TAF2: variants seen among roughly 807,000 people sequenced by gnomAD.
TAF2 encodes the protein transcription initiation factor TFIID subunit 2.
A neutral mutation model predicts 138.5 loss-of-function variants in TAF2; 61 were observed. The ratio of observed to expected loss-of-function variants is 0.44; its 90% confidence interval spans 0.36 to 0.54. The LOEUF (loss-of-function observed/expected upper bound fraction) is 0.54. Ranked by LOEUF, TAF2 falls within the 20% of genes least tolerant of loss-of-function variation. The pLI is 0.00. For synonymous variants in TAF2, 475 were observed against 469.9 expected (o/e 1.01, Z -0.14); for missense variants, 1,090 against 1,427.9 (o/e 0.76, Z 3.81).
intron 6 of TAF2, among the ~76,000 whole-genome samples, chr8:119,800,619 C>T (rs1205635414): frequency 3.9e-5 from 6 of 152,182 alleles, no homozygotes; most frequent in African/African-American, 1.2e-4. Flanking sequence ...AAGTTCACTG[C>T]TAATCTTATC....
intron 3 of TAF2, among the ~76,000 whole-genome samples, chr8:119,817,060 G>A (rs1825524166): frequency 6.6e-5 from 10 of 152,096 alleles, no homozygotes; most frequent in Admixed American, 5.9e-4. Flanking sequence ...GTCAAGCATA[G>A]TAGACAATTA....
chr8:119,735,002 A>ATGTT (rs1288179498), intron 25 of TAF2, among the ~76,000 whole-genome samples: 1 of 152,188 alleles, frequency 6.6e-6, no homozygotes, highest in Non-Finnish European at 1.5e-5. Flanking sequence ...TGGTTCGTTC[A>ATGTT]TGTTTCCACA....
At chr8:119,774,876 T>C (rs908907246) in intron 18 of TAF2, among the ~76,000 whole-genome samples, 1 of 151,968 alleles carries the variant, frequency 6.6e-6, no homozygotes, top group South Asian at 2.1e-4. Flanking sequence ...ATTTCAATTT[T>C]AGTAGGATCC....
At chr8:119,821,111 G>A (rs1019329792) in intron 2 of TAF2, among the ~76,000 whole-genome samples, 8 of 152,180 alleles carry the variant, frequency 5.3e-5, no homozygotes, top group Admixed American at 3.9e-4. Context: ...ATAGAATGAT[G>A]AAATGTATTT....
At chr8:119,754,812 A>G (rs1820589000) in intron 22 of TAF2, among the ~76,000 whole-genome samples, 1 of 152,198 alleles carries the variant, frequency 6.6e-6, no homozygotes, top group African/African-American at 2.4e-5. Flanking sequence ...TACAATTTCA[A>G]CCTATCACAG....
chr8:119,787,323 T>G (rs1224091871), intron 14 of TAF2, among the ~76,000 whole-genome samples: 1 of 151,890 alleles, frequency 6.6e-6, no homozygotes, highest in Non-Finnish European at 1.5e-5. Context: ...ACCCGCACAT[T>G]GTGCACATGT....
chr8:119,747,886 G>C (rs1820088977), intron 22 of TAF2, among the ~76,000 whole-genome samples: 2 of 152,328 alleles, frequency 1.3e-5, no homozygotes, highest in South Asian at 4.1e-4. Flanking sequence ...CACTCTGGGA[G>C]GCCGGGGTGG....
At chr8:119,818,714 A>G (rs988912975) in intron 3 of TAF2, among the ~76,000 whole-genome samples, 1 of 149,536 alleles carries the variant, frequency 6.7e-6, no homozygotes, top group Admixed American at 6.9e-5. Context: ...AACCACAAAG[A>G]TGACAAAAAA....
At chr8:119,801,435 CTT>C (rs112527778) in intron 6 of TAF2, among the ~76,000 whole-genome samples, 64 of 139,666 alleles carry the variant, frequency 4.6e-4, no homozygotes, top group Admixed American at 5.7e-4. Flanking sequence ...TAATATCTAC[CTT>C]TTTTTTTTTT....
rs763580911 is a variant in TAF2 at position 119,783,476 on chromosome 8, G to A, written c.2017C>T (p.Pro673Ser). The change falls in exon 16 of 26, where the codon CCT (proline) becomes TCT (serine). Residue 673 changes from proline (P) to serine (S), a missense_variant. By Grantham distance (74) the Pro-to-Ser change is moderately conservative. This residue lies in a region of TAF2 where 580 missense variants were observed against 719.6 expected (regional missense o/e 0.81). Coordinates refer to ENST00000378164, the MANE Select transcript of TAF2 (RefSeq NM_003184.4). Reference protein sequence around the residue: ...QESILALEKFPTPASRLALTD... With the variant: ...QESILALEKFSTPASRLALTD... The stretch of plus-strand genomic sequence containing the variant: ...AGTGCAAGCCGAGATGCTGGAGTAG[G>A]GAATTTTTCCAAAGCCAAAATGGAT... 1.9e-6 allele frequency: 3 copies of A among 1,613,934 alleles called. No homozygotes were observed. Among genetic ancestry groups the A allele is most frequent in the African/African-American group, 2.7e-5 (2 of 74,866 alleles).
At chr8:119,820,469 A>G (rs1432761967) in intron 2 of TAF2, among the ~76,000 whole-genome samples, 1 of 152,188 alleles carries the variant, frequency 6.6e-6, no homozygotes, top group Non-Finnish European at 1.5e-5. Context: ...TACCAACTCT[A>G]AGAGACAAGT....
chr8:119,760,829 C>T, intron 19 of TAF2, 91 bp from the exon 20 acceptor site: 1 of 1,554,458 alleles, frequency 6.4e-7, no homozygotes, highest in Non-Finnish European at 8.8e-7. Flanking sequence ...TTGTGGCAAT[C>T]AATTTAAAAA....
At position 119,756,113 on chromosome 8, in the gene TAF2, T is replaced by A; in HGVS notation, c.2771A>T (p.His924Leu). The change falls in exon 22 of 26, where the codon CAT becomes CTT. Residue 924 changes from histidine (H) to leucine (L), a missense_variant and splice_region_variant. Physicochemically the swap from His to Leu is moderately conservative, Grantham distance 99. Transcript: ENST00000378164. ...IQNDPVPYVR[H>L]KILNMLTKNP... ...CTTAGTCAACATGTTGAGAATCTTATGCCTGAAAGATTAAAAAAAATTAAA... is the reference window on the plus strand; with the variant it reads ...CTTAGTCAACATGTTGAGAATCTTAAGCCTGAAAGATTAAAAAAAATTAAA... 1 of 1,612,154 alleles carries A rather than the reference T, an allele frequency of 6.2e-7. No individual in the cohort carries two copies. The highest frequency in any genetic ancestry group is 8.5e-7 in the Non-Finnish European group (1 of 1,178,556).
chr8:119,783,781 T>A (rs1822834696), intron 15 of TAF2, 148 bp from the exon 16 acceptor site: 2 of 917,182 alleles, frequency 2.2e-6, no homozygotes, highest in African/African-American at 3.3e-5. Context: ...TTCATTTTTT[T>A]AAACTGCACT....
chr8:119,818,625 T>C (rs1033883735), intron 3 of TAF2, among the ~76,000 whole-genome samples: 1 of 152,124 alleles, frequency 6.6e-6, no homozygotes, highest in Non-Finnish European at 1.5e-5. Context: ...ATTCACTCAC[T>C]ACTTATGACT....
chr8:119,766,611 G>A (rs1367955915), intron 18 of TAF2, among the ~76,000 whole-genome samples: 1 of 152,106 alleles, frequency 6.6e-6, no homozygotes, highest in Non-Finnish European at 1.5e-5. Context: ...CCAAAACAGT[G>A]AAACCCTGTC....
intron 3 of TAF2, among the ~76,000 whole-genome samples, chr8:119,808,888 T>C (rs1385594001): frequency 6.6e-6 from 1 of 152,196 alleles, no homozygotes; most frequent in Non-Finnish European, 1.5e-5. Context: ...CCAGGCTCTG[T>C]TGCTTCATTT....
chr8:119,760,862 T>C (rs1292783478), intron 19 of TAF2, 124 bp from the exon 20 acceptor site: 1 of 1,288,250 alleles, frequency 7.8e-7, no homozygotes, highest in Non-Finnish European at 1.1e-6. Flanking sequence ...TAATCCACCT[T>C]CAATTTTGTA....
rs569731194 is a variant in TAF2 at position 119,791,243 on chromosome 8, C to T, written c.1413+81G>A. The T allele has an allele frequency of 5.3e-4, 813 of 1,531,670 alleles. 1 individual carries two copies. Among genetic ancestry groups the T allele is most frequent in the Non-Finnish European group, 6.1e-4 (681 of 1,118,830 alleles). 94.9% of individuals were successfully genotyped at this position (1,531,670 alleles called of 1,614,324 possible). On this transcript the variant is annotated intron_variant, in intron 11 of 25. Transcript: ENST00000378164. Reference sequence around the variant, plus strand: ...AACTATAAATCCAGATGTCCTGACTCCTATTCTACAGAAACATACTCAGAT... The same window carrying T: ...AACTATAAATCCAGATGTCCTGACTTCTATTCTACAGAAACATACTCAGAT...
Sources: allele counts gnomAD v4.1 joint callset (sites outside exome capture counted in the v4.1 genomes callset), GRCh38; gene constraint gnomAD v4.1.1; regional missense constraint gnomAD v4.1.1; transcripts MANE v1.5; gene names NCBI Gene and HGNC (gene_info 2026-07-23, HGNC 2026-07-21).